Variants in FAM210A observed in about 807,000 individuals in gnomAD.
FAM210A encodes family with sequence similarity 210 member A.
FAM210A carries 13 observed loss-of-function variants against 25.3 expected under a neutral mutation model. That is an observed-to-expected ratio of 0.51 (90% CI 0.33 to 0.82). FAM210A has a LOEUF of 0.82. Ranked by LOEUF, FAM210A falls within the 40% of genes least tolerant of loss-of-function variation. The probability of loss-of-function intolerance (pLI) is 0.02; values close to 1 mark genes in which losing one functional copy is unlikely to be tolerated. For missense variants in FAM210A, 319 were observed against 323.2 expected, an observed-to-expected ratio of 0.99 and a Z score of 0.10; for synonymous variants, 125 against 118.7, an observed-to-expected ratio of 1.05 and a Z score of -0.35.
At chr18:13,681,349 T>C (rs889168695) in intron 2 of FAM210A, among the ~76,000 whole-genome samples, 1 of 152,202 alleles carries the variant, frequency 6.6e-6, no homozygotes, top group Admixed American at 6.5e-5. Flanking sequence ...ATTCATAAAA[T>C]GGGTGTAACT....
Position 13,666,704 on chromosome 18 carries a change from G to C in FAM210A, c.595C>G (p.Pro199Ala), listed in dbSNP as rs374459586. 2.5e-6 allele frequency: 4 copies of C among 1,611,790 alleles called. No individual in the cohort carries two copies. The highest frequency in any genetic ancestry group is 2.7e-5 in the African/African-American group (2 of 74,892). Residue 199 changes from proline (P) to alanine (A), a missense_variant, in exon 4 of 4, where the codon CCT becomes GCT. Transcript: ENST00000651643. ...TAYALFKIATPARYTVTLGGT... is the reference protein window; with the variant it reads ...TAYALFKIATAARYTVTLGGT... The stretch of plus-strand genomic sequence containing the variant: ...CCCAAAGTCACGGTATACCGAGCAG[G>C]TGTTGCAATCTTAAGCAAAAAGCAA...
intron 1 of FAM210A, among the ~76,000 whole-genome samples, chr18:13,699,166 G>C (rs2043719008): frequency 6.6e-6 from 1 of 152,164 alleles, no homozygotes; most frequent in Non-Finnish European, 1.5e-5. Flanking sequence ...TTGCTGCTTA[G>C]AGAAAGTAAA....
intron 1 of FAM210A, among the ~76,000 whole-genome samples, chr18:13,708,105 C>T (rs1362081255): frequency 3.3e-5 from 5 of 152,194 alleles, no homozygotes; most frequent in South Asian, 4.1e-4. Context: ...TTCTCTGCTG[C>T]GGTTCCCATT....
intron 1 of FAM210A, among the ~76,000 whole-genome samples, chr18:13,723,104 A>G (rs1277343231): frequency 6.6e-6 from 1 of 152,182 alleles, no homozygotes; most frequent in Non-Finnish European, 1.5e-5. Context: ...AATCTTGTCT[A>G]TAAGCATGAG....
At chr18:13,682,204 G>C in intron 1 of FAM210A, 99 bp from the exon 2 acceptor site, 1 of 764,998 alleles carries the variant, frequency 1.3e-6, no homozygotes, top group Non-Finnish European at 2.1e-6. Flanking sequence ...GAAGTAAAAA[G>C]ACAGACACTG....
chr18:13,677,288 A>G (rs1601944565), intron 2 of FAM210A, among the ~76,000 whole-genome samples: 1 of 152,074 alleles, frequency 6.6e-6, no homozygotes, highest in South Asian at 2.1e-4. Flanking sequence ...GTTAGCCAGG[A>G]TGGTCTGGAT....
At chr18:13,687,817 A>C (rs971364019) in intron 1 of FAM210A, 1 of 152,092 alleles carries the variant, frequency 6.6e-6, no homozygotes, top group African/African-American at 2.4e-5. Context: ...AAAATCTTCC[A>C]CTACTTCTCT....
Position 13,663,585 on chromosome 18 carries a change from T to C in FAM210A, c.*2895A>G, listed in dbSNP as rs1482627800. On this transcript the variant is annotated 3_prime_UTR_variant, in exon 4 of 4. Coordinates refer to ENST00000651643, the MANE Select transcript of FAM210A (RefSeq NM_152352.4). ...TATCAATTTGCTTAGCAAACCCTTT[T>C]TGTGCATTTTACACAGGCGAATCTC... 6.6e-6 allele frequency: 1 copy of C among 152,088 alleles called. No individual in the cohort carries two copies. The highest frequency in any genetic ancestry group is 2.4e-5 in the African/African-American group (1 of 41,394). 9.4% of individuals were successfully genotyped at this position (152,088 alleles called of 1,614,324 possible).
chr18:13,666,696 C>A lies in FAM210A; in HGVS notation c.603G>T (p.Arg201=), dbSNP rs775673770. The part of the protein sequence containing the change: ...YALFKIATPA[R]YTVTLGGTSV... ...ATGTTCCTCCCAAAGTCACGGTATA[C>A]CGAGCAGGTGTTGCAATCTTAAGCA... The change falls in exon 4 of 4, where the codon CGG becomes CGT. Residue 201 remains arginine (R), a synonymous_variant. Coordinates refer to ENST00000651643, the MANE Select transcript of FAM210A (RefSeq NM_152352.4). 6.2e-7 allele frequency: 1 copy of A among 1,613,652 alleles called. No individual in the cohort carries two copies. Among genetic ancestry groups the A allele is most frequent in the Non-Finnish European group, 8.5e-7 (1 of 1,179,728 alleles).
intron 1 of FAM210A, among the ~76,000 whole-genome samples, chr18:13,708,145 T>C (rs1281627583): frequency 6.6e-6 from 1 of 152,250 alleles, no homozygotes; most frequent in African/African-American, 2.4e-5. Context: ...CGCCTTGCAA[T>C]GGGCAATAGA....
chr18:13,686,971 A>G (rs2043603019), intron 1 of FAM210A, among the ~76,000 whole-genome samples: 2 of 152,248 alleles, frequency 1.3e-5, no homozygotes, highest in South Asian at 2.1e-4. Flanking sequence ...GGAAAACTAC[A>G]GACTAATACT....
chr18:13,723,010 T>G (rs932320844), intron 1 of FAM210A, among the ~76,000 whole-genome samples: 1 of 152,134 alleles, frequency 6.6e-6, no homozygotes, highest in Non-Finnish European at 1.5e-5. Context: ...CTTTACCCAG[T>G]ACAGTTAAAA....
At chr18:13,690,017 C>T (rs780104708) in intron 1 of FAM210A, among the ~76,000 whole-genome samples, 33 of 152,334 alleles carry the variant, frequency 2.2e-4, no homozygotes, top group Non-Finnish European at 4.3e-4. Flanking sequence ...CAAAGGGAAG[C>T]CGTGACAGAC....
chr18:13,685,294 ATT>A (rs71174190), intron 1 of FAM210A, among the ~76,000 whole-genome samples: 50 of 143,608 alleles, frequency 3.5e-4, no homozygotes, highest in Admixed American at 3.5e-4. Context: ...CTGCAAAGCC[ATT>A]TTTTTTTTTT....
chr18:13,677,353 C>T (rs575320022), intron 2 of FAM210A, among the ~76,000 whole-genome samples: 3 of 152,230 alleles, frequency 2.0e-5, no homozygotes, highest in East Asian at 3.9e-4. Flanking sequence ...GGATTACAGG[C>T]GTGAGCCATC....
intron 1 of FAM210A, among the ~76,000 whole-genome samples, chr18:13,723,081 C>T (rs117160719): frequency 6.6e-6 from 1 of 152,144 alleles, no homozygotes; most frequent in African/African-American, 2.4e-5. Flanking sequence ...GTATCAAATA[C>T]CTGATCATTC....
chr18:13,676,846 CT>C (rs1332688405), intron 2 of FAM210A, among the ~76,000 whole-genome samples: 2 of 152,178 alleles, frequency 1.3e-5, no homozygotes, highest in African/African-American at 4.8e-5. Context: ...ACGTTAAGTA[CT>C]TTCGCACAGG....
intron 2 of FAM210A, among the ~76,000 whole-genome samples, chr18:13,672,988 C>T (rs1156889057): frequency 1.3e-5 from 2 of 152,206 alleles, no homozygotes; most frequent in African/African-American, 2.4e-5. Flanking sequence ...ATTAACATTC[C>T]TGAGACCCGA....
chr18:13,675,120 ACTT>A (rs1568476776), intron 2 of FAM210A, among the ~76,000 whole-genome samples: 1 of 109,930 alleles, frequency 9.1e-6, no homozygotes, highest in Non-Finnish European at 1.8e-5. Context: ...CTGAGCCGTG[ACTT>A]CTTTATTTCC....
Sources: allele counts gnomAD v4.1 joint callset (sites outside exome capture counted in the v4.1 genomes callset), GRCh38; gene constraint gnomAD v4.1.1; transcripts MANE v1.5; gene names NCBI Gene and HGNC (gene_info 2026-07-23, HGNC 2026-07-21).